The following SPC25 variants were observed in gnomAD, a reference collection of about 807,000 sequenced individuals.
SPC25 encodes the protein SPC25 component of NDC80 kinetochore complex, also known as kinetochore protein Spc25.
A neutral mutation model predicts 29.6 loss-of-function variants in SPC25; 22 were observed. That is an observed-to-expected ratio of 0.74 (90% CI 0.53 to 1.06). The LOEUF is 1.06. Among genes scored for constraint, SPC25 ranks in the 50% least tolerant of loss-of-function variants. The pLI, the probability that SPC25 is intolerant of heterozygous loss-of-function variation, is 0.00. For synonymous variants in SPC25, 91 were observed against 90.4 expected (o/e 1.01, Z -0.04); for missense variants, 230 against 255.8 (o/e 0.90, Z 0.69).
rs190953725 is a variant in SPC25, at chr2:168,863,271, G to A, written n.419+10314C>T. 2.4e-5 allele frequency: 8 copies of A among 329,246 alleles called. No homozygotes were observed. The East Asian group carries it at 5.1e-4, about 21-fold the overall frequency. The allele number at this position is 329,246 out of a possible 1,614,324, so 20.4% of individuals were successfully genotyped here. ...TAATAGATTATGTCAATTTACTGAC[G>A]AGGGAGAACTTAGAGACCGAGAATA... On this transcript the variant is annotated intron_variant and non_coding_transcript_variant, in intron 4 of 4. Coordinates refer to the SPC25 transcript ENST00000479309.
At chr2:168,875,538 C>G (rs1339329048) in intron 5 of SPC25, among the ~76,000 whole-genome samples, 2 of 152,134 alleles carry the variant, frequency 1.3e-5, no homozygotes, top group African/African-American at 4.8e-5. Context: ...TGTAGCTTCT[C>G]TCCCTCTCAC....
At chr2:168,870,765 T>G (rs1307065678), downstream of SPC25, 2 of 151,552 alleles carry the variant, frequency 1.3e-5, no homozygotes, top group African/African-American at 4.9e-5. Context: ...GGTGGGACTG[T>G]AAACTAGTTC....
chr2:168,862,134 T>C (rs1299457222), intron 4 of SPC25: 1 of 1,211,488 alleles, frequency 8.3e-7, no homozygotes, highest in Admixed American at 1.8e-5. Context: ...TGTGGCAGCC[T>C]TAAGAGTTAC....
downstream of SPC25, among the ~76,000 whole-genome samples, chr2:168,868,511 T>C (rs1021691464): frequency 6.6e-6 from 1 of 152,022 alleles, no homozygotes; most frequent in Admixed American, 6.6e-5. Context: ...CAATAAAAAA[T>C]GATAAAGGGG....
At chr2:168,861,818 T>C (rs530250530) in intron 4 of SPC25, 2 of 687,832 alleles carry the variant, frequency 2.9e-6, no homozygotes, top group East Asian at 2.7e-5. Context: ...GAATGAACAT[T>C]ATATAAAATT....
At chr2:168,870,335 A>G (rs1326787835), downstream of SPC25, among the ~76,000 whole-genome samples, 2 of 151,618 alleles carry the variant, frequency 1.3e-5, no homozygotes, top group Non-Finnish European at 2.9e-5. Context: ...AGCAATGTCA[A>G]CAAAAGCCGA....
intron 3 of SPC25, among the ~76,000 whole-genome samples, chr2:168,883,114 T>G (rs1417651833): frequency 6.6e-6 from 1 of 152,042 alleles, no homozygotes; most frequent in Non-Finnish European, 1.5e-5. Context: ...TGAAAACATC[T>G]TCAATGGCTA....
Position 168,889,284 on chromosome 2 carries a change from C to G in SPC25, c.141G>C (p.Leu47=). The G allele has an allele frequency of 6.2e-7, 1 of 1,613,748 alleles. No homozygotes were observed. The highest frequency in any genetic ancestry group is 8.5e-7 in the Non-Finnish European group (1 of 1,179,920). ...GTTCTTCTTCCTTTAATTTCACAGA[C>G]AGCTTTTCTGAAAGAGAAATTGAAC... ...KDSIKAFAEK[L]SVKLKEEERM... Residue 47 remains leucine (L), a synonymous_variant, in exon 3 of 7, where the codon CTG becomes CTC. Transcript: ENST00000282074.
Position 168,871,204 on chromosome 2 carries a change from T to C in SPC25, c.*227A>G, listed in dbSNP as rs1201704778. The C allele has an allele frequency of 4.7e-6, 1 of 211,204 alleles. No homozygotes were observed. Among genetic ancestry groups the C allele is most frequent in the Non-Finnish European group, 8.8e-6 (1 of 114,084 alleles). The allele number at this position is 211,204 out of a possible 1,614,324, so 13.1% of individuals were successfully genotyped here. ...GGGGAACATCACACAACGGGGACTG[T>C]TGTGGGTTGGGGGAGGGGGGAGGGA... On this transcript the variant is annotated 3_prime_UTR_variant, in exon 7 of 7. Transcript: ENST00000282074.
chr2:168,868,864 G>C (rs1689923267), downstream of SPC25, among the ~76,000 whole-genome samples: 1 of 152,190 alleles, frequency 6.6e-6, no homozygotes, highest in African/African-American at 2.4e-5. Flanking sequence ...TATGAGGCCA[G>C]CATCATCCTG....
At chr2:168,861,936 T>G in intron 4 of SPC25, 1 of 1,608,788 alleles carries the variant, frequency 6.2e-7, no homozygotes. Context: ...CACAGCATAC[T>G]AATTACAGCT....
In SPC25 at chr2:168,863,576, A is replaced by C. The variant is rs151217103; in HGVS notation, n.419+10009T>G. 7.0e-5 allele frequency: 69 copies of C among 985,236 alleles called. No homozygotes were observed. The East Asian group carries it at 7.1e-3, about 102-fold the overall frequency. 61.0% of individuals were successfully genotyped at this position (985,236 alleles called of 1,614,324 possible). Reference sequence around the variant, plus strand: ...TTTATTTGAATCATTGCTTTAAAAAATATTGTCTCCAAATTGATGTTGTAT... The same window carrying C: ...TTTATTTGAATCATTGCTTTAAAAACTATTGTCTCCAAATTGATGTTGTAT... On this transcript the variant is annotated intron_variant and non_coding_transcript_variant, in intron 4 of 4. Coordinates refer to the SPC25 transcript ENST00000479309.
At chr2:168,869,403 GA>G (rs1351586095), downstream of SPC25, among the ~76,000 whole-genome samples, 3 of 152,184 alleles carry the variant, frequency 2.0e-5, no homozygotes, top group Non-Finnish European at 4.4e-5. Flanking sequence ...ATTAGGAAAA[GA>G]GGAACTCAAA....
chr2:168,888,972 T>TATAG lies in SPC25; in HGVS notation c.199+253_199+254insCTAT, dbSNP rs572773262. Among the ~76,000 whole-genome samples the TATAG allele has an allele frequency of 9.7e-5, 10 of 103,280 alleles. 1 individual carries two copies. In the South Asian group the frequency reaches 2.2e-3, roughly 23 times the overall value. The allele number at this position is 103,280 out of a possible 152,430, so 67.8% of individuals were successfully genotyped here. Reference sequence around the variant, plus strand: ...GTGTGTGTGTGTATATATATATATATACACACACACATATATATGTATATA... The same window carrying TATAG: ...GTGTGTGTGTGTATATATATATATATATAGACACACACACATATATATGTATATA... On this transcript the variant is annotated intron_variant, in intron 3 of 6. Coordinates refer to ENST00000282074, the MANE Select transcript of SPC25 (RefSeq NM_020675.4).
intron 3 of SPC25, among the ~76,000 whole-genome samples, chr2:168,888,941 G>GTA (rs1690322536): frequency 3.0e-5 from 2 of 66,806 alleles, no homozygotes; most frequent in Admixed American, 1.7e-4. Context: ...GTGTGTGTGT[G>GTA]TGTGTGTGTG....
chr2:168,885,630 C>T (rs1306509912), intron 3 of SPC25, among the ~76,000 whole-genome samples: 1 of 151,874 alleles, frequency 6.6e-6, no homozygotes. Flanking sequence ...CATCCCAGAA[C>T]TTAACAAGCT....
intron 3 of SPC25, among the ~76,000 whole-genome samples, chr2:168,887,979 C>CA: frequency 6.6e-6 from 1 of 152,292 alleles, no homozygotes; most frequent in South Asian, 2.1e-4. Flanking sequence ...ATATAACATT[C>CA]AAAAACACAA....
rs541607161 is a variant in SPC25, at chr2:168,873,574, T to C, written c.550+11A>G. ...AATCTTAAATACCAGTTAGGAGATA[T>C]TAGTACATACCTTCATAGTCCCTTG... On this transcript the variant is annotated intron_variant, in intron 6 of 6. Transcript: ENST00000282074. 3.0e-4 allele frequency: 466 copies of C among 1,576,158 alleles called. 4 individuals are homozygous for C. The South Asian group carries it at 5.0e-3, about 17-fold the overall frequency.
chr2:168,886,558 C>G (rs1196095359), intron 3 of SPC25, among the ~76,000 whole-genome samples: 3 of 149,596 alleles, frequency 2.0e-5, no homozygotes, highest in Non-Finnish European at 4.4e-5. Context: ...CTTGCTCTGT[C>G]GCCCAGGCTG....
Sources: gnomAD v4.1 joint callset for allele counts (sites outside exome capture counted in the v4.1 genomes callset) on GRCh38, gnomAD v4.1.1 for gene constraint, MANE v1.5 for transcripts, NCBI Gene and HGNC (gene_info 2026-07-23, HGNC 2026-07-21) for gene names.